PTPN21: variants seen among roughly 807,000 people sequenced by gnomAD.
PTPN21 encodes the protein tyrosine-protein phosphatase non-receptor type 21.
A neutral mutation model predicts 131.8 loss-of-function variants in PTPN21; 77 were observed. That is an observed-to-expected ratio of 0.58 (90% CI 0.49 to 0.71). The LOEUF (loss-of-function observed/expected upper bound fraction) is 0.71. Ranked by LOEUF, PTPN21 falls within the 30% of genes least tolerant of loss-of-function variation. PTPN21 has a pLI of 0.00. For missense variants in PTPN21, 1,552 were observed against 1,527.1 expected (o/e 1.02, Z -0.27); for synonymous variants, 715 against 621.3 (o/e 1.15, Z -2.24).
At chr14:88,492,599 G>A (rs2077841778) in intron 10 of PTPN21, among the ~76,000 whole-genome samples, 1 of 152,122 alleles carries the variant, frequency 6.6e-6, no homozygotes, top group Admixed American at 6.6e-5. Flanking sequence ...CCGTCCGGGT[G>A]GGCATCCCCG....
At chr14:88,545,033 T>TTGGCC in intron 2 of PTPN21, among the ~76,000 whole-genome samples, 1 of 152,248 alleles carries the variant, frequency 6.6e-6, no homozygotes, top group East Asian at 1.9e-4. Context: ...TTTCACCATG[T>TTGGCC]TGGCCAGGCC....
At chr14:88,544,659 G>C (rs541265720) in intron 2 of PTPN21, among the ~76,000 whole-genome samples, 1 of 152,100 alleles carries the variant, frequency 6.6e-6, no homozygotes, top group Non-Finnish European at 1.5e-5. Context: ...AGGTGTTTCT[G>C]AATACTGCAG....
At chr14:88,504,274 G>A (rs749008788) in intron 6 of PTPN21, 151 bp downstream of exon 6, 4 of 629,340 alleles carry the variant, frequency 6.4e-6, no homozygotes, top group Non-Finnish European at 8.4e-6. Flanking sequence ...CTATATAAAT[G>A]TTGGCTACTT....
intron 10 of PTPN21, 123 bp downstream of exon 10, chr14:88,496,290 C>T: frequency 1.2e-6 from 1 of 826,180 alleles, no homozygotes; most frequent in South Asian, 1.9e-5. Context: ...AATAGGAAAA[C>T]AGCTATAGGA....
chr14:88,473,815 T>TA lies in PTPN21; in HGVS notation c.2512-14_2512-13insT, dbSNP rs2077506998. The TA allele has an allele frequency of 2.5e-6, 4 of 1,593,428 alleles. No individual in the cohort carries two copies. Among genetic ancestry groups the TA allele is most frequent in the Non-Finnish European group, 3.4e-6 (4 of 1,173,898 alleles). On this transcript the variant is annotated splice_polypyrimidine_tract_variant and intron_variant, in intron 13 of 18. Transcript: ENST00000556564. ...TCTTTTTCATTCCCTGTAAAAGGAT[T>TA]TATATGTATATATGAAATATACACA...
At chr14:88,538,133 T>A (rs995872443) in intron 2 of PTPN21, among the ~76,000 whole-genome samples, 1 of 152,208 alleles carries the variant, frequency 6.6e-6, no homozygotes, top group African/African-American at 2.4e-5. Context: ...ATGCTCTATG[T>A]GCTACCATAT....
Position 88,502,630 on chromosome 14 carries a change from A to G in PTPN21, c.588-1262T>C, listed in dbSNP as rs539237668. Among the ~76,000 whole-genome samples the G allele has an allele frequency of 3.9e-5, 6 of 152,352 alleles. No homozygotes were observed. The South Asian group carries it at 1.2e-3, about 32-fold the overall frequency. On this transcript the variant is annotated intron_variant, in intron 6 of 18. Transcript: ENST00000556564. The stretch of plus-strand genomic sequence containing the variant: ...TAATGCAGAATAAGAACACTAAGCT[A>G]TCTTTTAAGGAAATGCACAAATGAA...
At chr14:88,483,198 T>G in intron 12 of PTPN21, among the ~76,000 whole-genome samples, 3 of 124,156 alleles carry the variant, frequency 2.4e-5, no homozygotes, top group Admixed American at 9.4e-5. Context: ...GGCAACAGAG[T>G]GAGACTCCGT....
At chr14:88,540,994 C>T (rs1203613146) in intron 2 of PTPN21, among the ~76,000 whole-genome samples, 1 of 152,124 alleles carries the variant, frequency 6.6e-6, no homozygotes, top group African/African-American at 2.4e-5. Flanking sequence ...CATGAGCTTG[C>T]CACTCAGCAT....
chr14:88,532,770 AAGG>A (rs1013695808), intron 2 of PTPN21, among the ~76,000 whole-genome samples: 2 of 152,188 alleles, frequency 1.3e-5, no homozygotes, highest in Non-Finnish European at 2.9e-5. Flanking sequence ...CTTTTTAGCA[AAGG>A]AGAACACGTA....
In PTPN21 at chr14:88,473,723, C is replaced by T. The variant is rs777342703; in HGVS notation, c.2591G>A (p.Arg864Gln). 9.9e-6 allele frequency: 16 copies of T among 1,611,896 alleles called. No homozygotes were observed. The Admixed American group carries it at 1.3e-4, about 14-fold the overall frequency. ...LAALNGLSLS[R>Q]VPLPDEGKEV... ...CTTTCCTTCATCAGGCAGAGGCACT[C>T]GAGATAGGGAGAGTCCATTTAGGGC... Residue 864 changes from arginine to glutamine, a missense_variant, in exon 14 of 19, where the codon CGA (arginine) becomes CAA (glutamine). By Grantham distance (43) the Arg-to-Gln change is conservative. Coordinates refer to ENST00000556564, the MANE Select transcript of PTPN21 (RefSeq NM_007039.4).
intron 2 of PTPN21, among the ~76,000 whole-genome samples, chr14:88,535,971 T>C (rs1253896681): frequency 2.6e-5 from 4 of 152,228 alleles, no homozygotes; most frequent in Non-Finnish European, 4.4e-5. Flanking sequence ...GTTCAGTTCA[T>C]GTCTCCTGCC....
chr14:88,482,517 G>T (rs1229538208), intron 12 of PTPN21, among the ~76,000 whole-genome samples: 1 of 152,010 alleles, frequency 6.6e-6, no homozygotes, highest in Admixed American at 6.6e-5. Flanking sequence ...CCAGCTACTT[G>T]GGAGGCTGAG....
chr14:88,521,844 T>C (rs2078399132), intron 2 of PTPN21, among the ~76,000 whole-genome samples: 1 of 152,202 alleles, frequency 6.6e-6, no homozygotes, highest in Non-Finnish European at 1.5e-5. Context: ...TCTGGTTTAT[T>C]GTATAATTTG....
intron 4 of PTPN21, among the ~76,000 whole-genome samples, chr14:88,506,992 T>C (rs1268816827): frequency 6.6e-6 from 1 of 151,782 alleles, no homozygotes. Context: ...GAGGTTGCAG[T>C]GAGCCGAGAT....
chr14:88,545,045 G>A (rs545908692), intron 2 of PTPN21, among the ~76,000 whole-genome samples: 1 of 152,222 alleles, frequency 6.6e-6, no homozygotes, highest in East Asian at 1.9e-4. Flanking sequence ...GGCCAGGCCA[G>A]GCTGGTCTTG....
Position 88,467,772 on chromosome 14 carries a change from T to G in PTPN21, c.*365A>C, listed in dbSNP as rs1051465474. ...AAAACTCCATTATCAAAAATTAGTT[T>G]AAGATAGAAATCTATGCACTTTAAT... On this transcript the variant is annotated 3_prime_UTR_variant, in exon 19 of 19. Coordinates refer to ENST00000556564, the MANE Select transcript of PTPN21 (RefSeq NM_007039.4). The G allele has an allele frequency of 3.2e-5, 6 of 189,120 alleles. No individual in the cohort carries two copies. The South Asian group carries it at 5.6e-4, about 18-fold the overall frequency. The allele number at this position is 189,120 out of a possible 1,614,324, so 11.7% of individuals were successfully genotyped here. A position where few individuals can be genotyped will look rare whatever the true frequency, so the allele number is the denominator to read the frequency against.
At chr14:88,507,109 T>C (rs2078103296) in intron 4 of PTPN21, among the ~76,000 whole-genome samples, 1 of 151,922 alleles carries the variant, frequency 6.6e-6, no homozygotes, top group African/African-American at 2.4e-5. Flanking sequence ...CACCACCTGT[T>C]CCCCAAAAAC....
At chr14:88,549,546 C>T (rs2078829835) in intron 2 of PTPN21, among the ~76,000 whole-genome samples, 1 of 152,066 alleles carries the variant, frequency 6.6e-6, no homozygotes, top group South Asian at 2.1e-4. Flanking sequence ...GTGAGTGGCC[C>T]GTGGGCTAGA....
Sources: gnomAD v4.1 joint callset for allele counts (sites outside exome capture counted in the v4.1 genomes callset) on GRCh38, gnomAD v4.1.1 for gene constraint, MANE v1.5 for transcripts, NCBI Gene and HGNC (gene_info 2026-07-23, HGNC 2026-07-21) for gene names.